DISP3: variants seen among roughly 807,000 people sequenced by gnomAD.
DISP3 encodes the protein protein dispatched homolog 3.
DISP3 carries 101 observed loss-of-function variants against 135.3 expected under a neutral mutation model. That is an observed-to-expected ratio of 0.75 (90% CI 0.64 to 0.88). The LOEUF (loss-of-function observed/expected upper bound fraction) is 0.88, where lower values mean the gene tolerates loss of function less well. DISP3 is among the 40% of genes least tolerant of loss of function. DISP3 has a pLI of 0.00. For missense variants in DISP3, 1,713 were observed against 1,878.6 expected (o/e 0.91, Z 1.63); for synonymous variants, 856 against 817.0 (o/e 1.05, Z -0.81).
Position 11,501,367 on chromosome 1 carries a change from G to T in DISP3, c.375G>T (p.Ala125=). 1.2e-6 allele frequency: 2 copies of T among 1,611,158 alleles called. No homozygotes were observed. Among genetic ancestry groups the T allele is most frequent in the South Asian group, 1.1e-5 (1 of 90,728 alleles). ...AGCGTTTCGACGCTCTCACTCTGGC[G>T]CTTAAGTCCCAGTTTGGATCCTGGG... ...ASQRFDALTL[A]LKSQFGSWGR... is the part of the protein sequence containing the mutation. Residue 125 remains alanine (A), a synonymous_variant, in exon 2 of 21, where the codon GCG becomes GCT. Transcript: ENST00000294484. This position sits in a 1 kb window ranked among gnomAD's most constrained non-coding sequence, Gnocchi z 4.9.
intron 2 of DISP3, 41 bp from the exon 3 acceptor site, chr1:11,502,637 G>T: frequency 6.5e-7 from 1 of 1,536,096 alleles, no homozygotes; most frequent in South Asian, 1.2e-5. Context: ...GGTGGGAGCT[G>T]ACCAGCTGAA....
At chr1:11,533,392 A>G (rs1642623231) in intron 17 of DISP3, among the ~76,000 whole-genome samples, 2 of 150,738 alleles carry the variant, frequency 1.3e-5, no homozygotes, top group Admixed American at 6.6e-5. Flanking sequence ...AGTAGCTGGG[A>G]TTACAAGTGT....
chr1:11,521,043 G>C (rs1159509429), intron 10 of DISP3, among the ~76,000 whole-genome samples, 195 bp downstream of exon 10: 1 of 152,172 alleles, frequency 6.6e-6, no homozygotes, highest in East Asian at 1.9e-4. Context: ...CTGGCTCTGG[G>C]GAGGTACTGT....
chr1:11,509,403 A>G (rs565906639), intron 3 of DISP3, among the ~76,000 whole-genome samples: 1 of 152,226 alleles, frequency 6.6e-6, no homozygotes, highest in South Asian at 2.1e-4. Context: ...TCTTAATTAG[A>G]TCAAGTTCAT....
At position 11,516,739 on chromosome 1, in the gene DISP3, C is replaced by T. The variant is rs1479657986; in HGVS notation, c.1749+578C>T. On this transcript the variant is annotated intron_variant, in intron 6 of 20. Transcript: ENST00000294484. This position sits in a 1 kb window ranked among gnomAD's most constrained non-coding sequence, Gnocchi z 5.1. ...TGGCCCAAGTCTTTGAGAAACTTTA[C>T]GACCTGGGCTGAGTAGCCCCTCTGG... Among the ~76,000 whole-genome samples, 2 of 152,172 alleles carry T rather than the reference C, an allele frequency of 1.3e-5. No homozygotes were observed. Among genetic ancestry groups the T allele is most frequent in the African/African-American group, 2.4e-5 (1 of 41,428 alleles).
intron 10 of DISP3, 62 bp from the exon 11 acceptor site, chr1:11,523,880 C>A (rs1642327920): frequency 1.5e-6 from 2 of 1,377,894 alleles, no homozygotes; most frequent in Non-Finnish European, 2.0e-6. Flanking sequence ...TCCCTCTGCC[C>A]ATCGGGCCCA....
At chr1:11,518,753 G>C (rs1320861690) in intron 7 of DISP3, among the ~76,000 whole-genome samples, 1 of 152,192 alleles carries the variant, frequency 6.6e-6, no homozygotes, top group African/African-American at 2.4e-5. Flanking sequence ...CAGCAGCACT[G>C]TGATACCTGG....
Position 11,526,798 on chromosome 1 carries a change from A to G in DISP3, c.2761A>G (p.Ser921Gly), listed in dbSNP as rs777769557. 26 of 1,610,830 alleles carry G rather than the reference A, an allele frequency of 1.6e-5. No homozygotes were observed. Among genetic ancestry groups the G allele is most frequent in the Middle Eastern group, 3.4e-4 (2 of 5,820 alleles). ...CAAGCGGGGCTGGAAGTTTGACTTCAGCTTCTACGTGGCCACCAAGGAGCA... is the reference window on the plus strand; with the variant it reads ...CAAGCGGGGCTGGAAGTTTGACTTCGGCTTCTACGTGGCCACCAAGGAGCA... ...DAKRGWKFDF[S>G]FYVATKEQQH... is the part of the protein sequence containing the mutation. The change falls in exon 13 of 21, where the codon AGC becomes GGC. Residue 921 changes from serine (S) to glycine (G), a missense_variant. This residue lies in a region of DISP3 where 1,142 missense variants were observed against 1,384.6 expected (regional missense o/e 0.82). Transcript: ENST00000294484.
Position 11,501,681 on chromosome 1 carries a change from G to T in DISP3, c.689G>T (p.Gly230Val), listed in dbSNP as rs1237973567. The change falls in exon 2 of 21, where the codon GGG becomes GTG. Residue 230 changes from glycine to valine, a missense_variant. By Grantham distance (109) the Gly-to-Val change is moderately radical. Coordinates refer to ENST00000294484, the MANE Select transcript of DISP3 (RefSeq NM_020780.2). The surrounding 1 kb of genome is among the most constrained non-coding windows in gnomAD (Gnocchi z 4.9). ...DPRNQRLSKN[G>V]RYQPSIPPHA... ...CGAAACCAGCGGCTGAGCAAGAATG[G>T]GCGGTACCAGCCCAGCATCCCGCCC... The T allele has an allele frequency of 1.2e-6, 2 of 1,605,602 alleles. No homozygotes were observed.
Position 11,502,070 on chromosome 1 carries a change from G to C in DISP3, c.1078G>C (p.Asp360His), listed in dbSNP as rs1313476226. Reference protein sequence around the residue: ...GKIYYDGMGQDLADIRGSLEL... With the variant: ...GKIYYDGMGQHLADIRGSLEL... The stretch of plus-strand genomic sequence containing the variant: ...GATCTACTATGACGGCATGGGCCAG[G>C]ACCTGGCGGACATCCGGGGTGAGCC... Residue 360 changes from aspartate (D) to histidine (H), a missense_variant, in exon 2 of 21, where the codon GAC becomes CAC. Coordinates refer to ENST00000294484, the MANE Select transcript of DISP3 (RefSeq NM_020780.2). 2 of 1,566,860 alleles carry C rather than the reference G, an allele frequency of 1.3e-6. No individual in the cohort carries two copies. Among genetic ancestry groups the C allele is most frequent in the Admixed American group, 3.7e-5 (2 of 53,534 alleles).
At chr1:11,533,638 C>T (rs1157538437) in intron 17 of DISP3, 1 of 639,450 alleles carries the variant, frequency 1.6e-6, no homozygotes, top group Non-Finnish European at 2.9e-6. Context: ...CAGACTGAAG[C>T]CCCAGGCAGT....
Position 11,484,598 on chromosome 1 carries a change from T to C in DISP3, c.-4+5226T>C, listed in dbSNP as rs1640986657. Among the ~76,000 whole-genome samples, 4 of 152,342 alleles carry C rather than the reference T, an allele frequency of 2.6e-5. No homozygotes were observed. The South Asian group carries it at 8.3e-4, about 32-fold the overall frequency. ...AGAGAAGATGCTGGAGAGGGTCTCG[T>C]CTGCAGAACTCCCGGCATGCCCTTG... On this transcript the variant is annotated intron_variant, in intron 1 of 20. Coordinates refer to ENST00000294484, the MANE Select transcript of DISP3 (RefSeq NM_020780.2).
intron 17 of DISP3, among the ~76,000 whole-genome samples, chr1:11,533,148 C>A (rs1260556839): frequency 6.6e-6 from 1 of 152,048 alleles, no homozygotes; most frequent in Non-Finnish European, 1.5e-5. Flanking sequence ...CTCTCCCCCT[C>A]CCACAGCCAC....
chr1:11,502,012 G>A lies in DISP3; in HGVS notation c.1020G>A (p.Met340Ile), dbSNP rs1188241876. The A allele has an allele frequency of 6.2e-6, 10 of 1,608,710 alleles. No homozygotes were observed. The highest frequency in any genetic ancestry group is 8.5e-6 in the Non-Finnish European group (10 of 1,177,306). Reference protein sequence around the residue: ...YSYCSPPSSLMTYFFPTERGG... With the variant: ...YSYCSPPSSLITYFFPTERGG... ...ACTGCTCGCCCCCCAGCTCGCTCAT[G>A]ACCTACTTTTTTCCCACCGAGAGGG... The change falls in exon 2 of 21, where the codon ATG becomes ATA. Residue 340 changes from methionine (M) to isoleucine (I), a missense_variant. Physicochemically the swap from Met to Ile is conservative, Grantham distance 10 (BLOSUM62 1). Coordinates refer to ENST00000294484, the MANE Select transcript of DISP3 (RefSeq NM_020780.2).
chr1:11,511,229 C>T (rs1415523991), intron 3 of DISP3, among the ~76,000 whole-genome samples: 1 of 152,174 alleles, frequency 6.6e-6, no homozygotes. Context: ...CAACATCCTC[C>T]AAAGTCTTAA....
intron 5 of DISP3, among the ~76,000 whole-genome samples, 177 bp from the exon 6 acceptor site, chr1:11,515,824 T>C (rs1190375274): frequency 6.6e-6 from 1 of 151,934 alleles, no homozygotes; most frequent in East Asian, 1.9e-4. Context: ...GGGTGGGGCT[T>C]GAACTCTTGG....
rs1041440779 is a variant in DISP3 at position 11,531,244 on chromosome 1, A to G, written c.3229+211A>G. Among the ~76,000 whole-genome samples, 12 of 152,028 alleles carry G rather than the reference A, an allele frequency of 7.9e-5. No individual in the cohort carries two copies. Among genetic ancestry groups the G allele is most frequent in the Non-Finnish European group, 1.6e-4 (11 of 67,980 alleles). On this transcript the variant is annotated intron_variant, in intron 16 of 20. Coordinates refer to ENST00000294484, the MANE Select transcript of DISP3 (RefSeq NM_020780.2). This position sits in a 1 kb window ranked among gnomAD's most constrained non-coding sequence, Gnocchi z 5.2. ...TTGGATGTGAGCAGGCTTGTGTGTG[A>G]ACAGGACTGGTGCAGAGGTGCATGT...
chr1:11,519,419 G>C lies in DISP3; in HGVS notation c.1954G>C (p.Glu652Gln). Residue 652 changes from glutamate (E) to glutamine (Q), a missense_variant, in exon 8 of 21, where the codon GAG (glutamate) becomes CAG (glutamine). Physicochemically the swap from Glu to Gln is conservative, Grantham distance 29 (BLOSUM62 2). Coordinates refer to ENST00000294484, the MANE Select transcript of DISP3 (RefSeq NM_020780.2). This position sits in a 1 kb window ranked among gnomAD's most constrained non-coding sequence, Gnocchi z 4.3. ...CCCCGGAGACGTGTTTGCCGCTCCCGAGCAGGTTGGAGGCAGCCCTGCCCA... is the reference window on the plus strand; with the variant it reads ...CCCCGGAGACGTGTTTGCCGCTCCCCAGCAGGTTGGAGGCAGCCCTGCCCA... ...HFPGDVFAAP[E>Q]QVGGSPAQGP... The C allele has an allele frequency of 6.2e-7, 1 of 1,613,724 alleles. No individual in the cohort carries two copies. Among genetic ancestry groups the C allele is most frequent in the Non-Finnish European group, 8.5e-7 (1 of 1,179,994 alleles).
At chr1:11,526,899 C>A in intron 13 of DISP3, 64 bp downstream of exon 13, 2 of 1,517,262 alleles carry the variant, frequency 1.3e-6, no homozygotes, top group Non-Finnish European at 1.8e-6. Context: ...CCTTTTCTCT[C>A]TTTTCTCTCT....
Sources: allele counts gnomAD v4.1 joint callset (sites outside exome capture counted in the v4.1 genomes callset), GRCh38; gene constraint gnomAD v4.1.1; regional missense constraint gnomAD v4.1.1; non-coding constraint Gnocchi (gnomAD v3.1); transcripts MANE v1.5; gene names NCBI Gene and HGNC (gene_info 2026-07-23, HGNC 2026-07-21).